The following CFL2 variants were observed in gnomAD, a reference collection of about 807,000 sequenced individuals.
The protein encoded by CFL2 is cofilin 2.
A neutral mutation model predicts 19.6 loss-of-function variants in CFL2; 10 were observed. The ratio of observed to expected loss-of-function variants is 0.51; its 90% CI spans 0.31 to 0.86. The LOEUF is 0.86. CFL2 is among the 40% of genes least tolerant of loss of function. CFL2 has a pLI of 0.04. For synonymous variants in CFL2, 63 were observed against 66.7 expected (o/e 0.95, Z 0.27); for missense variants, 125 against 192.1 (o/e 0.65, Z 2.06).
In CFL2 at chr14:34,712,197, T is replaced by C; in HGVS notation, c.*668A>G. ...AAACTCCTACACTTATTCAGTAGTG[T>C]ACACTCAATGGAAAACAAAAAGGCA... is the stretch of plus-strand genomic sequence containing the variant. On this transcript the variant is annotated 3_prime_UTR_variant, in exon 4 of 4. Transcript: ENST00000298159. The C allele has an allele frequency of 2.2e-6, 1 of 454,528 alleles. No individual in the cohort carries two copies. The highest frequency in any genetic ancestry group is 1.6e-5 in the South Asian group (1 of 64,480). The allele number at this position is 454,528 out of a possible 1,614,324, so 28.2% of individuals were successfully genotyped here. A position where few individuals can be genotyped will look rare whatever the true frequency, so the allele number is the denominator to read the frequency against.
intron 1 of CFL2, chr14:34,713,810 T>C: frequency 6.3e-7 from 1 of 1,587,268 alleles, no homozygotes; most frequent in Non-Finnish European, 8.6e-7. Context: ...ATACAAGTTG[T>C]CCCATCCCTG....
chr14:34,709,465 ATGC>A lies in CFL2; in HGVS notation c.*3397_*3399del, dbSNP rs1885213204. The stretch of plus-strand genomic sequence containing the variant: ...AAGGAGACAGAACATCCATAAACTC[ATGC>A]TGTCTTCAAAAGCAGTATTTGAGCT... On this transcript the variant is annotated 3_prime_UTR_variant, in exon 4 of 4. Transcript: ENST00000298159. 6.6e-6 allele frequency: 1 copy of A among 152,058 alleles called. No homozygotes were observed. The highest frequency in any genetic ancestry group is 1.9e-4 in the East Asian group (1 of 5,192). 9.4% of individuals were successfully genotyped at this position (152,058 alleles called of 1,614,324 possible).
Position 34,712,138 on chromosome 14 carries a change from T to C in CFL2, c.*727A>G. ...GCCATCATGACTGATATTCAAAATA[T>C]CTTTAGTGTTGCAGGACTCACATGG... On this transcript the variant is annotated 3_prime_UTR_variant, in exon 4 of 4. Coordinates refer to ENST00000298159, the MANE Select transcript of CFL2 (RefSeq NM_138638.5). 8.8e-6 allele frequency: 4 copies of C among 454,572 alleles called. No homozygotes were observed. The highest frequency in any genetic ancestry group is 6.2e-5 in the South Asian group (4 of 64,482). 28.2% of individuals were successfully genotyped at this position (454,572 alleles called of 1,614,324 possible).
Position 34,713,461 on chromosome 14 carries a change from GCTTT to G in CFL2, c.100_103del (p.Lys34GlnfsTer6), listed in dbSNP as rs1885387438. 1.9e-6 allele frequency: 3 copies of G among 1,613,458 alleles called. No individual in the cohort carries two copies. Among genetic ancestry groups the G allele is most frequent in the South Asian group, 1.1e-5 (1 of 91,044 alleles). On this transcript the variant is annotated frameshift_variant, in exon 2 of 4. Transcript: ENST00000298159. LOFTEE classifies it high-confidence loss of function. Reference sequence around the variant, plus strand: ...GTCATCGCTTAAACAGAAGAGAACTGCTTTCTTTCTCTTTTTGATCTCCTCTTGT... The same window carrying G: ...GTCATCGCTTAAACAGAAGAGAACTGCTTTCTCTTTTTGATCTCCTCTTGT...
Position 34,711,402 on chromosome 14 carries a change from G to C in CFL2, c.*1463C>G, listed in dbSNP as rs1297070816. 4.4e-6 allele frequency: 2 copies of C among 454,550 alleles called. No individual in the cohort carries two copies. Among genetic ancestry groups the C allele is most frequent in the African/African-American group, 4.0e-5 (2 of 50,128 alleles). 28.2% of individuals were successfully genotyped at this position (454,550 alleles called of 1,614,324 possible). ...AACAGCAAACCGCTCACACTGAGCA[G>C]ATCAAATTCTCTATAAGGAGCACAG... On this transcript the variant is annotated 3_prime_UTR_variant, in exon 4 of 4. Coordinates refer to ENST00000298159, the MANE Select transcript of CFL2 (RefSeq NM_138638.5).
intron 1 of CFL2, chr14:34,714,069 T>A (rs1885411876): frequency 2.5e-6 from 1 of 400,362 alleles, no homozygotes. Context: ...AACTAACTGA[T>A]CGAGTGTAAA....
chr14:34,713,604 G>C (rs1261619875), intron 1 of CFL2, 43 bp from the exon 2 acceptor site: 1 of 1,613,922 alleles, frequency 6.2e-7, no homozygotes, highest in Admixed American at 1.7e-5. Context: ...ACGTATTTTG[G>C]TTTTAACCAA....
In CFL2 at chr14:34,713,358, T is replaced by C; in HGVS notation, c.207A>G (p.Thr69=). The change falls in exon 2 of 4, where the codon ACA becomes ACG. Residue 69 remains threonine, a synonymous_variant. Transcript: ENST00000298159. ...TCAGAGGTAGCAACTTCACAAAAGA[T>C]GTGTAGGGGTCCTCTACAGTATCAC... is the stretch of plus-strand genomic sequence containing the variant. ...DIGDTVEDPY[T]SFVKLLPLND... The C allele has an allele frequency of 6.2e-7, 1 of 1,613,880 alleles. No homozygotes were observed. Among genetic ancestry groups the C allele is most frequent in the Non-Finnish European group, 8.5e-7 (1 of 1,179,744 alleles).
Position 34,714,555 on chromosome 14 carries a change from T to C in CFL2, c.-15A>G. The C allele has an allele frequency of 1.3e-6, 2 of 1,582,936 alleles. No homozygotes were observed. The highest frequency in any genetic ancestry group is 1.4e-5 in the African/African-American group (1 of 72,132). On this transcript the variant is annotated 5_prime_UTR_variant, in exon 1 of 4. Coordinates refer to ENST00000298159, the MANE Select transcript of CFL2 (RefSeq NM_138638.5). ...CGTCTTACCATAGTGCCCTCGGCTGTGGCTGCGGCGGCAGCTCGGGCTTCG... is the reference window on the plus strand; with the variant it reads ...CGTCTTACCATAGTGCCCTCGGCTGCGGCTGCGGCGGCAGCTCGGGCTTCG...
chr14:34,714,094 GAA>G, intron 1 of CFL2: 1 of 371,406 alleles, frequency 2.7e-6, no homozygotes, highest in East Asian at 5.2e-5. Context: ...TTTACGGCGA[GAA>G]AGCATTTTAA....
rs1009573883 is a variant in CFL2, at chr14:34,711,853, C to T, written c.*1012G>A. On this transcript the variant is annotated 3_prime_UTR_variant, in exon 4 of 4. Coordinates refer to ENST00000298159, the MANE Select transcript of CFL2 (RefSeq NM_138638.5). ...GCCTTAAGATAGAATACTTTTTAAA[C>T]CAAATAGATCCAACAAATCTGGAAA... The T allele has an allele frequency of 4.4e-6, 2 of 453,908 alleles. No individual in the cohort carries two copies. The highest frequency in any genetic ancestry group is 2.4e-5 in the Admixed American group (1 of 42,472). 28.1% of individuals were successfully genotyped at this position (453,908 alleles called of 1,614,324 possible).
Position 34,710,926 on chromosome 14 carries a change from T to C in CFL2, c.*1939A>G, listed in dbSNP as rs1042296126. 2.2e-6 allele frequency: 1 copy of C among 454,156 alleles called. No homozygotes were observed. The allele number at this position is 454,156 out of a possible 1,614,324, so 28.1% of individuals were successfully genotyped here. ...TATCAGTTACACATATGGTTAAGTATACGTCAGTATTCTCTGTTTTGCTTA... is the reference window on the plus strand; with the variant it reads ...TATCAGTTACACATATGGTTAAGTACACGTCAGTATTCTCTGTTTTGCTTA... On this transcript the variant is annotated 3_prime_UTR_variant, in exon 4 of 4. Coordinates refer to ENST00000298159, the MANE Select transcript of CFL2 (RefSeq NM_138638.5).
rs977948614 is a variant in CFL2 at position 34,711,671 on chromosome 14, A to C, written c.*1194T>G. On this transcript the variant is annotated 3_prime_UTR_variant, in exon 4 of 4. Coordinates refer to ENST00000298159, the MANE Select transcript of CFL2 (RefSeq NM_138638.5). ...AAATGTAAATGTGAATAAAAAAATA[A>C]CTATGCTAATTTATCCAGAGAACAA... 9.0e-6 allele frequency: 4 copies of C among 445,068 alleles called. No individual in the cohort carries two copies. The highest frequency in any genetic ancestry group is 8.1e-5 in the African/African-American group (4 of 49,296). The allele number at this position is 445,068 out of a possible 1,614,324, so 27.6% of individuals were successfully genotyped here.
intron 1 of CFL2, 53 bp downstream of exon 1, chr14:34,714,484 GC>G (rs1395515856): frequency 5.2e-6 from 8 of 1,542,812 alleles, no homozygotes; most frequent in African/African-American, 1.4e-5. Flanking sequence ...CCGGGGCCGT[GC>G]GGGGGGCTTT....
rs797045460 is a variant in CFL2, at chr14:34,713,491, G to A, written c.74C>T (p.Thr25Ile). The A allele has an allele frequency of 6.8e-6, 11 of 1,613,814 alleles. No homozygotes were observed. The highest frequency in any genetic ancestry group is 1.1e-5 in the South Asian group (1 of 91,078). Residue 25 changes from threonine (T) to isoleucine (I), a missense_variant, in exon 2 of 4, where the codon ACA (threonine) becomes ATA (isoleucine). Physicochemically the swap from Thr to Ile is moderately conservative, Grantham distance 89. Transcript: ENST00000298159. ...FNDMKVRKSS[T>I]QEEIKKRKKA... ...CTTTCTCTTTTTGATCTCCTCTTGT[G>A]TAGAAGATTTCCTTACTTTCATATC...
At position 34,712,992 on chromosome 14, in the gene CFL2, C is replaced by G; in HGVS notation, c.389-15G>C. On this transcript the variant is annotated splice_polypyrimidine_tract_variant and intron_variant, in intron 3 of 3. Coordinates refer to ENST00000298159, the MANE Select transcript of CFL2 (RefSeq NM_138638.5). ...ATGTTTAATACCTAAAAAGAAAAAA[C>G]ATTATCCTATTACTTTATTATAATT... 1.3e-6 allele frequency: 2 copies of G among 1,575,484 alleles called. No homozygotes were observed. Among genetic ancestry groups the G allele is most frequent in the South Asian group, 2.2e-5 (2 of 89,920 alleles).
intron 1 of CFL2, chr14:34,714,211 G>A: frequency 2.5e-6 from 1 of 392,376 alleles, no homozygotes; most frequent in Admixed American, 4.4e-5. Flanking sequence ...TTAAAGCCTC[G>A]CGTGTTAAGT....
intron 1 of CFL2, 135 bp from the exon 2 acceptor site, chr14:34,713,696 T>C (rs139833698): frequency 8.1e-6 from 13 of 1,612,776 alleles, no homozygotes; most frequent in East Asian, 4.5e-5. Context: ...CCAATCAGAT[T>C]TGTCACATTT....
chr14:34,713,401 A>T lies in CFL2; in HGVS notation c.164T>A (p.Ile55Asn). The change falls in exon 2 of 4, where the codon ATC (isoleucine) becomes AAC (asparagine). Residue 55 changes from isoleucine to asparagine, a missense_variant. By Grantham distance (149) the Ile-to-Asn change is moderately radical. Coordinates refer to ENST00000298159, the MANE Select transcript of CFL2 (RefSeq NM_138638.5). ...AGTATCACCAATGTCACCCACCAAG[A>T]TCTGCTTTGCTTCCTCTACAATTAT... is the stretch of plus-strand genomic sequence containing the variant. ...RQIIVEEAKQ[I>N]LVGDIGDTVE... 15 of 1,614,114 alleles carry T rather than the reference A, an allele frequency of 9.3e-6. No individual in the cohort carries two copies. The highest frequency in any genetic ancestry group is 1.3e-5 in the Non-Finnish European group (15 of 1,180,004).
Sources: allele counts gnomAD v4.1 joint callset, GRCh38; gene constraint gnomAD v4.1.1; transcripts MANE v1.5; gene names NCBI Gene and HGNC (gene_info 2026-07-23, HGNC 2026-07-21).